The following UBE2K variants were observed in gnomAD, a reference collection of about 807,000 sequenced individuals.
UBE2K encodes ubiquitin-conjugating enzyme E2 K.
Under a neutral mutation model 30.0 loss-of-function variants are expected in UBE2K, and 6 were observed. That is an observed-to-expected ratio of 0.20 (90% CI 0.11 to 0.39). The LOEUF is 0.39. Ranked by LOEUF, UBE2K falls within the 10% of genes least tolerant of loss-of-function variation. UBE2K has a pLI of 1.00. For synonymous variants in UBE2K, 86 were observed against 83.7 expected, an observed-to-expected ratio of 1.03 and a Z score of -0.15; for missense variants, 61 against 241.6, an observed-to-expected ratio of 0.25 and a Z score of 4.96.
At chr4:39,756,006 C>A (rs993501507) in intron 4 of UBE2K, among the ~76,000 whole-genome samples, 1 of 152,082 alleles carries the variant, frequency 6.6e-6, no homozygotes, top group Non-Finnish European at 1.5e-5. Flanking sequence ...AAATTTGATT[C>A]TTTGCTATCT....
At chr4:39,715,911 ACTT>A (rs1002359314) in intron 1 of UBE2K, among the ~76,000 whole-genome samples, 1 of 151,918 alleles carries the variant, frequency 6.6e-6, no homozygotes, top group Non-Finnish European at 1.5e-5. Flanking sequence ...CATTTTCTTA[ACTT>A]CTGTACTCAG....
At chr4:39,771,674 C>G (rs1224285265) in intron 4 of UBE2K, among the ~76,000 whole-genome samples, 1 of 152,056 alleles carries the variant, frequency 6.6e-6, no homozygotes, top group South Asian at 2.1e-4. Context: ...GCCTCGCGCG[C>G]GCGGCGACGG....
At chr4:39,702,164 G>A (rs1718050415) in intron 1 of UBE2K, among the ~76,000 whole-genome samples, 1 of 150,728 alleles carries the variant, frequency 6.6e-6, no homozygotes, top group Non-Finnish European at 1.5e-5. Context: ...TATGCTATAT[G>A]GCACCTGTTG....
intron 5 of UBE2K, among the ~76,000 whole-genome samples, chr4:39,775,785 A>T (rs1713249442): frequency 6.6e-6 from 1 of 152,162 alleles, no homozygotes; most frequent in African/African-American, 2.4e-5. Context: ...ACTCTAAGCC[A>T]TTGGAATATA....
intron 1 of UBE2K, among the ~76,000 whole-genome samples, chr4:39,733,844 T>C (rs1720208518): frequency 1.3e-5 from 2 of 152,230 alleles, no homozygotes; most frequent in Non-Finnish European, 2.9e-5. Context: ...ATGACTTTTG[T>C]AATACTGTCA....
At chr4:39,704,761 C>T (rs1469103740) in intron 1 of UBE2K, among the ~76,000 whole-genome samples, 2 of 151,748 alleles carry the variant, frequency 1.3e-5, no homozygotes, top group South Asian at 2.1e-4. Flanking sequence ...AGGCTGGTCT[C>T]GAACTCCTGG....
At chr4:39,729,289 G>A (rs1051043786) in intron 1 of UBE2K, among the ~76,000 whole-genome samples, 3 of 151,884 alleles carry the variant, frequency 2.0e-5, no homozygotes, top group Non-Finnish European at 2.9e-5. Flanking sequence ...CTTTCTGACT[G>A]TATCTTCAGA....
At chr4:39,739,382 A>C (rs938337854) in intron 2 of UBE2K, among the ~76,000 whole-genome samples, 12 of 151,256 alleles carry the variant, frequency 7.9e-5, no homozygotes, top group Non-Finnish European at 1.3e-4. Flanking sequence ...TCTTGTTTTT[A>C]ATCCAGATTT....
intron 4 of UBE2K, among the ~76,000 whole-genome samples, chr4:39,767,830 A>G (rs2109397768): frequency 6.6e-6 from 1 of 152,210 alleles, no homozygotes; most frequent in East Asian, 1.9e-4. Flanking sequence ...TTTCTTTGCT[A>G]TTCAGGTAAA....
At chr4:39,700,010 C>T (rs1397963120) in intron 1 of UBE2K, among the ~76,000 whole-genome samples, 3 of 152,040 alleles carry the variant, frequency 2.0e-5, no homozygotes, top group Non-Finnish European at 4.4e-5. Context: ...ATATATACTC[C>T]TAATGAAAGC....
At chr4:39,747,082 A>T (rs1275616922) in intron 3 of UBE2K, among the ~76,000 whole-genome samples, 1 of 152,202 alleles carries the variant, frequency 6.6e-6, no homozygotes, top group Admixed American at 6.5e-5. Flanking sequence ...AATAGATATG[A>T]TAATGGAAGT....
At chr4:39,727,993 G>A (rs779195887) in intron 1 of UBE2K, among the ~76,000 whole-genome samples, 7 of 152,084 alleles carry the variant, frequency 4.6e-5, no homozygotes, top group Non-Finnish European at 7.4e-5. Context: ...AATTAGCCAG[G>A]CGTGGTGCTG....
At chr4:39,738,179 T>C (rs1465516666) in intron 2 of UBE2K, among the ~76,000 whole-genome samples, 1 of 152,228 alleles carries the variant, frequency 6.6e-6, no homozygotes, top group African/African-American at 2.4e-5. Flanking sequence ...TTATATAGCA[T>C]ATAACCAAGG....
chr4:39,746,157 G>A (rs978707199), intron 3 of UBE2K, among the ~76,000 whole-genome samples: 2 of 152,072 alleles, frequency 1.3e-5, no homozygotes, highest in Non-Finnish European at 2.9e-5. Context: ...AGAAGTATGT[G>A]TTTTAGGAGA....
At chr4:39,737,802 A>T (rs893488667) in intron 2 of UBE2K, among the ~76,000 whole-genome samples, 6 of 152,190 alleles carry the variant, frequency 3.9e-5, no homozygotes, top group African/African-American at 1.4e-4. Flanking sequence ...AAACCTCTAA[A>T]TCATATGGAC....
chr4:39,759,845 T>A (rs1270713709), intron 4 of UBE2K, among the ~76,000 whole-genome samples: 1 of 152,146 alleles, frequency 6.6e-6, no homozygotes, highest in African/African-American at 2.4e-5. Flanking sequence ...ACTACATGCC[T>A]GTAAACACAA....
intron 1 of UBE2K, among the ~76,000 whole-genome samples, chr4:39,724,462 A>G (rs1719614365): frequency 2.0e-5 from 3 of 151,382 alleles, no homozygotes; most frequent in Non-Finnish European, 4.4e-5. Flanking sequence ...AAAGCTGGGC[A>G]TGGGCCGGGC....
At chr4:39,742,762 G>C (rs1340597824) in intron 2 of UBE2K, among the ~76,000 whole-genome samples, 1 of 151,918 alleles carries the variant, frequency 6.6e-6, no homozygotes, top group Non-Finnish European at 1.5e-5. Flanking sequence ...AGCCAGAAGA[G>C]AGGCCAGGCG....
chr4:39,763,497 C>T (rs572244759), intron 4 of UBE2K, among the ~76,000 whole-genome samples: 1 of 151,940 alleles, frequency 6.6e-6, no homozygotes, highest in South Asian at 2.1e-4. Flanking sequence ...ATCATCTGTG[C>T]ACCTGACCTC....
Sources: allele counts gnomAD v4.1 joint callset (sites outside exome capture counted in the v4.1 genomes callset), GRCh38; gene constraint gnomAD v4.1.1; transcripts MANE v1.5; gene names NCBI Gene and HGNC (gene_info 2026-07-23, HGNC 2026-07-21).